The following PACRG variants were observed in gnomAD, a reference collection of about 807,000 sequenced individuals.
PACRG encodes parkin coregulated gene protein.
PACRG carries 29 observed loss-of-function variants against 29.7 expected under a neutral mutation model. The ratio of observed to expected loss-of-function variants is 0.98; its 90% CI spans 0.73 to 1.33. The LOEUF (loss-of-function observed/expected upper bound fraction) is 1.33. PACRG is among the 40% of genes most tolerant of loss of function. The pLI, the probability that PACRG is intolerant of heterozygous loss-of-function variation, is 0.00. For synonymous variants in PACRG, 116 were observed against 118.7 expected, an observed-to-expected ratio of 0.98 and a Z score of 0.15; for missense variants, 279 against 316.2, an observed-to-expected ratio of 0.88 and a Z score of 0.89.
rs533881717 is a variant in PACRG at position 162,998,758 on chromosome 6, G to GT, written c.292-63387dup. Reference sequence around the variant, plus strand: ...CTTACCCCAAGATTACATTAAAAATGTTTTTATTATTTGTATTTCCATCCT... The same window carrying GT: ...CTTACCCCAAGATTACATTAAAAATGTTTTTTATTATTTGTATTTCCATCCT... On this transcript the variant is annotated intron_variant, in intron 2 of 4. Transcript: ENST00000366888. Among the ~76,000 whole-genome samples the GT allele has an allele frequency of 1.8e-4, 27 of 152,278 alleles. No homozygotes were observed. In the South Asian group the frequency reaches 5.0e-3, roughly 28 times the overall value.
intron 4 of PACRG, among the ~76,000 whole-genome samples, chr6:163,274,079 G>A (rs1029501358): frequency 1.9e-4 from 29 of 151,758 alleles, no homozygotes; most frequent in African/African-American, 5.1e-4. Context: ...TGTGCACAAC[G>A]TGCAGGTTTG....
At chr6:163,065,811 A>T (rs1366611613) in intron 3 of PACRG, among the ~76,000 whole-genome samples, 1 of 152,216 alleles carries the variant, frequency 6.6e-6, no homozygotes, top group Non-Finnish European at 1.5e-5. Context: ...GCCGTAGTAG[A>T]ACTAAAATCT....
chr6:163,116,577 A>G (rs745901304), intron 4 of PACRG, among the ~76,000 whole-genome samples: 1 of 151,776 alleles, frequency 6.6e-6, no homozygotes, highest in African/African-American at 2.4e-5. Flanking sequence ...CAGTCCAGGT[A>G]TGACGGAAAT....
chr6:162,981,790 T>C (rs1241325554), intron 2 of PACRG, among the ~76,000 whole-genome samples: 1 of 151,900 alleles, frequency 6.6e-6, no homozygotes, highest in African/African-American at 2.4e-5. Context: ...TTTATTTTAT[T>C]TATTTTGGAG....
At chr6:162,808,054 T>A (rs1194964361) in intron 1 of PACRG, among the ~76,000 whole-genome samples, 1 of 152,232 alleles carries the variant, frequency 6.6e-6, no homozygotes, top group Non-Finnish European at 1.5e-5. Flanking sequence ...AATTTTCTTA[T>A]TGTAATAATT....
chr6:163,255,746 C>T (rs1021384159), intron 4 of PACRG, among the ~76,000 whole-genome samples: 5 of 152,192 alleles, frequency 3.3e-5, no homozygotes, highest in South Asian at 2.1e-4. Context: ...AAGCAACTCT[C>T]GTGCCTTAGC....
chr6:162,908,569 G>T (rs1157634177), intron 2 of PACRG, among the ~76,000 whole-genome samples: 1 of 152,344 alleles, frequency 6.6e-6, no homozygotes, highest in East Asian at 1.9e-4. Context: ...CCTCAGTAGA[G>T]ACAGGCCATT....
chr6:162,769,853 G>A (rs937966615), intron 1 of PACRG, among the ~76,000 whole-genome samples: 4 of 151,614 alleles, frequency 2.6e-5, no homozygotes, highest in Admixed American at 1.3e-4. Context: ...TATAGGTTAA[G>A]GAAGCTATAG....
At chr6:162,939,753 T>C (rs1157811829) in intron 2 of PACRG, among the ~76,000 whole-genome samples, 1 of 152,108 alleles carries the variant, frequency 6.6e-6, no homozygotes, top group Non-Finnish European at 1.5e-5. Flanking sequence ...CTATCTGTTA[T>C]ATTGTTGAAC....
intron 3 of PACRG, among the ~76,000 whole-genome samples, chr6:163,067,547 C>G (rs1037440807): frequency 2.0e-5 from 3 of 152,096 alleles, no homozygotes; most frequent in African/African-American, 7.2e-5. Flanking sequence ...AAAACACTTT[C>G]AGTAAGGCAA....
chr6:162,874,151 A>ATAT lies in PACRG; in HGVS notation c.291+59870_291+59871insTAT, dbSNP rs1554296144. 7.6e-3 allele frequency among the ~76,000 whole-genome samples: 1,035 copies of ATAT among 136,258 alleles called. 10 individuals carry two copies. Among genetic ancestry groups the ATAT allele is most frequent in the Admixed American group, 0.029 (387 of 13,506 alleles). 89.4% of individuals were successfully genotyped at this position (136,258 alleles called of 152,430 possible). On this transcript the variant is annotated intron_variant, in intron 2 of 4. Coordinates refer to ENST00000366888, the MANE Select transcript of PACRG (RefSeq NM_001080379.2). ...AACATGAGGGAGTTAAAAAAAAAAAAATATATATATATATATGTATATATA... is the reference window on the plus strand; with the variant it reads ...AACATGAGGGAGTTAAAAAAAAAAAATATATATATATATATATATGTATATATA...
intron 2 of PACRG, among the ~76,000 whole-genome samples, chr6:162,995,617 C>CA (rs1803952436): frequency 2.6e-5 from 4 of 152,356 alleles, no homozygotes; most frequent in Admixed American, 1.3e-4. Flanking sequence ...GGTGCGTGCA[C>CA]CCACTGGCCT....
chr6:162,854,040 T>C (rs1254296640), intron 2 of PACRG, among the ~76,000 whole-genome samples: 1 of 152,072 alleles, frequency 6.6e-6, no homozygotes, highest in Non-Finnish European at 1.5e-5. Context: ...ATATTACTAA[T>C]CTATGTCCAT....
chr6:163,205,335 C>T (rs1780859544), intron 4 of PACRG, among the ~76,000 whole-genome samples: 1 of 152,104 alleles, frequency 6.6e-6, no homozygotes, highest in Non-Finnish European at 1.5e-5. Context: ...GCTACAGTAA[C>T]CAAAACAGCA....
At position 162,791,303 on chromosome 6, in the gene PACRG, G is replaced by GT. The variant is rs1272846363; in HGVS notation, c.157-22841dup. Among the ~76,000 whole-genome samples the GT allele has an allele frequency of 6.8e-3, 577 of 84,828 alleles. 11 individuals are homozygous for GT. The highest frequency in any genetic ancestry group is 0.03 in the African/African-American group (546 of 18,232). 55.7% of individuals were successfully genotyped at this position (84,828 alleles called of 152,430 possible). Reference sequence around the variant, plus strand: ...TTTTCCCCACTCTGACTCCTAGTTTGTTTGTTTGTTTTTTTTTTTTTTGCT... The same window carrying GT: ...TTTTCCCCACTCTGACTCCTAGTTTGTTTTGTTTGTTTTTTTTTTTTTTGCT... On this transcript the variant is annotated intron_variant, in intron 1 of 4. Transcript: ENST00000366888.
chr6:163,289,618 T>C (rs1784514443), intron 4 of PACRG, among the ~76,000 whole-genome samples: 1 of 152,184 alleles, frequency 6.6e-6, no homozygotes, highest in African/African-American at 2.4e-5. Context: ...GTCCCAGCCA[T>C]CACAGCATGT....
intron 2 of PACRG, among the ~76,000 whole-genome samples, chr6:163,039,582 T>C (rs139846056): frequency 0.068 from 10,347 of 152,224 alleles, 515 homozygotes; most frequent in Non-Finnish European, 0.11. Context: ...CAGGCTGAGG[T>C]GGTCACAGAT....
chr6:163,290,250 G>A (rs1228551133), intron 4 of PACRG, among the ~76,000 whole-genome samples: 2 of 149,106 alleles, frequency 1.3e-5, no homozygotes, highest in Non-Finnish European at 3.0e-5. Context: ...ATTATCATAC[G>A]CACATGTGCG....
Position 163,314,915 on chromosome 6 carries a change from C to T in PACRG, c.702C>T (p.Arg234=). Residue 234 remains arginine (R), a synonymous_variant, in exon 5 of 5, where the codon CGC becomes CGT. Transcript: ENST00000366888. ...AGGAGACACTGGAGGCCTTCGAGCG[C>T]TACGGAGGAGAAAATGCCTTTATCA... is the stretch of plus-strand genomic sequence containing the variant. The part of the protein sequence containing the change: ...LIQETLEAFE[R]YGGENAFINI... 6.2e-7 allele frequency: 1 copy of T among 1,614,158 alleles called. No individual in the cohort carries two copies. Among genetic ancestry groups the T allele is most frequent in the Non-Finnish European group, 8.5e-7 (1 of 1,180,018 alleles).
Sources: allele counts gnomAD v4.1 joint callset (sites outside exome capture counted in the v4.1 genomes callset), GRCh38; gene constraint gnomAD v4.1.1; transcripts MANE v1.5; gene names NCBI Gene and HGNC (gene_info 2026-07-23, HGNC 2026-07-21).